The following TFEC variants were observed in gnomAD, a reference collection of about 807,000 sequenced individuals.
TFEC encodes the protein transcription factor EC, also known as class E basic helix-loop-helix protein 34.
In TFEC, 31 loss-of-function variants were observed where a neutral mutation model predicts 41.6. The ratio of observed to expected loss-of-function variants is 0.74; its 90% CI spans 0.56 to 1.01. The LOEUF is 1.01. Among genes scored for constraint, TFEC ranks in the 50% least tolerant of loss-of-function variants. TFEC has a pLI of 0.00. For missense variants in TFEC, 402 were observed against 404.1 expected (o/e 0.99, Z 0.04); for synonymous variants, 143 against 140.6 (o/e 1.02, Z -0.12).
intron 2 of TFEC, among the ~76,000 whole-genome samples, chr7:115,981,944 G>C (rs754928909): frequency 6.6e-6 from 1 of 152,162 alleles, no homozygotes; most frequent in African/African-American, 2.4e-5. Flanking sequence ...TCTGAGCCAG[G>C]TGCAAGGGTT....
In TFEC at chr7:115,940,945, C is replaced by A. The variant is rs573231177; in HGVS notation, c.664-14G>T. On this transcript the variant is annotated splice_polypyrimidine_tract_variant and intron_variant, in intron 7 of 7. Coordinates refer to ENST00000265440, the MANE Select transcript of TFEC (RefSeq NM_012252.4). ...AATTTCTAGTTCCTGTAATTTCAAA[C>A]GAAAATCATTAAATAATGTCTTTGA... 1.9e-6 allele frequency: 3 copies of A among 1,542,004 alleles called. No individual in the cohort carries two copies. Among genetic ancestry groups the A allele is most frequent in the African/African-American group, 1.4e-5 (1 of 72,396 alleles).
chr7:116,117,632 C>A (rs1374440617), intron 1 of TFEC: 1 of 151,752 alleles, frequency 6.6e-6, no homozygotes, highest in African/African-American at 2.4e-5. Flanking sequence ...CTTCCACAAT[C>A]TTTAACCCTT....
intron 1 of TFEC, among the ~76,000 whole-genome samples, chr7:116,018,525 TGTAA>T (rs1795277883): frequency 6.6e-6 from 1 of 152,032 alleles, no homozygotes; most frequent in Non-Finnish European, 1.5e-5. Context: ...AAAAAACAGG[TGTAA>T]GTGAGACCTA....
chr7:116,102,438 C>G (rs192609220), intron 3 of TFEC, among the ~76,000 whole-genome samples: 1 of 152,014 alleles, frequency 6.6e-6, no homozygotes, highest in Admixed American at 6.6e-5. Context: ...TGGATAGGAA[C>G]GAGATTGGAC....
chr7:116,134,926 T>C (rs1410302548), intron 1 of TFEC, among the ~76,000 whole-genome samples: 2 of 152,204 alleles, frequency 1.3e-5, no homozygotes, highest in African/African-American at 2.4e-5. Context: ...CGTTGCACAT[T>C]TGAATAATGC....
Position 115,984,245 on chromosome 7 carries a change from C to T in TFEC, c.180+17G>A. Reference sequence around the variant, plus strand: ...AAAAACTGATGATATATTTTTATAACCAGCCATTAGACATACATGCCATTG... The same window carrying T: ...AAAAACTGATGATATATTTTTATAATCAGCCATTAGACATACATGCCATTG... On this transcript the variant is annotated intron_variant, in intron 2 of 7. Coordinates refer to ENST00000265440, the MANE Select transcript of TFEC (RefSeq NM_012252.4). The T allele has an allele frequency of 2.5e-6, 4 of 1,601,022 alleles. No homozygotes were observed. The highest frequency in any genetic ancestry group is 3.4e-6 in the Non-Finnish European group (4 of 1,170,078).
At chr7:116,024,302 G>C (rs1795506482) in intron 1 of TFEC, among the ~76,000 whole-genome samples, 1 of 151,968 alleles carries the variant, frequency 6.6e-6, no homozygotes. Context: ...GGAGAGGCGA[G>C]GTTGTTCAAA....
intron 3 of TFEC, among the ~76,000 whole-genome samples, chr7:115,961,347 T>A (rs963087610): frequency 6.6e-6 from 1 of 151,586 alleles, no homozygotes; most frequent in African/African-American, 2.4e-5. Flanking sequence ...GAAATCATAG[T>A]GGAATTTTAA....
chr7:116,003,337 A>G (rs1190207514), intron 1 of TFEC, among the ~76,000 whole-genome samples: 1 of 152,206 alleles, frequency 6.6e-6, no homozygotes, highest in Non-Finnish European at 1.5e-5. Context: ...AAGAATTACT[A>G]TGTTAACTTT....
chr7:116,024,309 C>G (rs1302546744), intron 1 of TFEC, among the ~76,000 whole-genome samples: 1 of 152,000 alleles, frequency 6.6e-6, no homozygotes, highest in Admixed American at 6.6e-5. Context: ...CGAGGTTGTT[C>G]AAAATGAATG....
At chr7:115,978,150 T>C (rs925572993) in intron 2 of TFEC, among the ~76,000 whole-genome samples, 2 of 152,018 alleles carry the variant, frequency 1.3e-5, no homozygotes, top group Admixed American at 1.3e-4. Context: ...ATTTTGTCTA[T>C]AAGAGACACA....
intron 3 of TFEC, among the ~76,000 whole-genome samples, chr7:116,070,975 A>G (rs1323181224): frequency 6.6e-6 from 1 of 151,430 alleles, no homozygotes; most frequent in Non-Finnish European, 1.5e-5. Context: ...AATCAAATCG[A>G]CTTGAAAATT....
chr7:115,964,061 A>G (rs1326618795), intron 3 of TFEC, among the ~76,000 whole-genome samples: 2 of 151,622 alleles, frequency 1.3e-5, no homozygotes, highest in Non-Finnish European at 3.0e-5. Flanking sequence ...AAAGTAACAA[A>G]AGCTACCCAC....
intron 1 of TFEC, among the ~76,000 whole-genome samples, chr7:116,003,216 T>C (rs1419916430): frequency 1.3e-5 from 2 of 151,012 alleles, no homozygotes; most frequent in African/African-American, 4.9e-5. Context: ...AGCCTCACAC[T>C]CCTCTCTCAC....
chr7:116,036,772 A>G (rs926932446), intron 3 of TFEC, among the ~76,000 whole-genome samples: 1 of 152,086 alleles, frequency 6.6e-6, no homozygotes, highest in Non-Finnish European at 1.5e-5. Context: ...AAAGTAATTT[A>G]ATGGGATAAT....
intron 3 of TFEC, among the ~76,000 whole-genome samples, chr7:116,101,294 A>G (rs2115964623): frequency 6.6e-6 from 1 of 152,030 alleles, no homozygotes; most frequent in South Asian, 2.1e-4. Context: ...GACTTGCCTG[A>G]GAGAGACAGC....
At chr7:116,134,482 C>T (rs1798397853) in intron 1 of TFEC, among the ~76,000 whole-genome samples, 1 of 152,108 alleles carries the variant, frequency 6.6e-6, no homozygotes, top group South Asian at 2.1e-4. Context: ...ACCTGTTTTC[C>T]ACCTAAATTC....
intron 1 of TFEC, among the ~76,000 whole-genome samples, chr7:115,992,826 A>C (rs1274559073): frequency 1.3e-5 from 2 of 152,182 alleles, no homozygotes; most frequent in Non-Finnish European, 2.9e-5. Context: ...TCAATAGAAA[A>C]AGAGGGAATC....
chr7:115,957,576 T>C (rs1792301866), intron 3 of TFEC, among the ~76,000 whole-genome samples: 2 of 151,908 alleles, frequency 1.3e-5, no homozygotes, highest in Admixed American at 6.6e-5. Flanking sequence ...AACATTTAAG[T>C]AATATTCATA....
Sources: gnomAD v4.1 joint callset for allele counts (sites outside exome capture counted in the v4.1 genomes callset) on GRCh38, gnomAD v4.1.1 for gene constraint, MANE v1.5 for transcripts, NCBI Gene and HGNC (gene_info 2026-07-23, HGNC 2026-07-21) for gene names.